Variants in TENM2 observed in about 807,000 individuals in gnomAD.
TENM2 encodes teneurin-2.
Under a neutral mutation model 245.2 loss-of-function variants are expected in TENM2, and 52 were observed. The observed-to-expected ratio is 0.21, with a 90% CI of 0.17 to 0.27. The LOEUF (loss-of-function observed/expected upper bound fraction) is 0.27, where lower values mean the gene tolerates loss of function less well. Among genes scored for constraint, TENM2 ranks in the 10% least tolerant of loss-of-function variants. TENM2 has a pLI of 1.00. For synonymous variants in TENM2, 1,363 were observed against 1,438.9 expected (o/e 0.95, Z 1.19); for missense variants, 3,046 against 3,666.8 (o/e 0.83, Z 4.37).
chr5:167,363,848 A>G (rs1449954720), intron 1 of TENM2, among the ~76,000 whole-genome samples: 11 of 152,090 alleles, frequency 7.2e-5, no homozygotes, highest in Admixed American at 7.2e-4. Flanking sequence ...TTAAAACATT[A>G]GAATTTATCA....
At chr5:167,293,976 C>CTGTGTG (rs55869331) in intron 1 of TENM2, among the ~76,000 whole-genome samples, 13,608 of 148,630 alleles carry the variant, frequency 0.092, 711 homozygotes, top group Non-Finnish European at 0.12. Context: ...GATGTGAGTT[C>CTGTGTG]TGTGTGTGTG....
intron 2 of TENM2, among the ~76,000 whole-genome samples, chr5:167,745,568 T>C (rs1761501670): frequency 6.6e-6 from 1 of 152,212 alleles, no homozygotes; most frequent in East Asian, 1.9e-4. Flanking sequence ...ATTTTTAGCT[T>C]TCCACAATTT....
chr5:168,124,869 C>T (rs1196672785), exon 11 of TENM2: 4 of 1,612,204 alleles, frequency 2.5e-6, no homozygotes, highest in Non-Finnish European at 3.4e-6. Flanking sequence ...TGGATCCCAC[C>T]TGCTCCAGCC....
intron 5 of TENM2, among the ~76,000 whole-genome samples, chr5:168,039,661 G>T (rs576678813): frequency 6.6e-6 from 1 of 152,168 alleles, no homozygotes; most frequent in Admixed American, 6.5e-5. Flanking sequence ...GAGCTGACTT[G>T]GTGGACAATA....
intron 4 of TENM2, among the ~76,000 whole-genome samples, chr5:167,957,663 G>A (rs1301777295): frequency 6.6e-6 from 1 of 152,110 alleles, no homozygotes; most frequent in African/African-American, 2.4e-5. Context: ...CAGAGATTCT[G>A]GTACATTGTG....
the TENM2 span, among the ~76,000 whole-genome samples, chr5:167,272,574 A>G: frequency 6.6e-6 from 1 of 152,162 alleles, no homozygotes; most frequent in Admixed American, 6.6e-5. Flanking sequence ...AAGAAATAAG[A>G]AAGTTTGATT....
chr5:168,220,264 A>C (rs1016316508), intron 23 of TENM2, among the ~76,000 whole-genome samples: 1 of 152,154 alleles, frequency 6.6e-6, no homozygotes, highest in Non-Finnish European at 1.5e-5. Context: ...GACCTAATGC[A>C]TTTCAGAAAC....
intron 5 of TENM2, among the ~76,000 whole-genome samples, chr5:168,043,889 A>C (rs1440819247): frequency 1.3e-5 from 2 of 152,204 alleles, no homozygotes; most frequent in African/African-American, 2.4e-5. Context: ...TTTTGAAACA[A>C]AGAAGAGGTT....
At chr5:168,132,368 G>T (rs1334959332) in intron 12 of TENM2, among the ~76,000 whole-genome samples, 1 of 152,168 alleles carries the variant, frequency 6.6e-6, no homozygotes, top group African/African-American at 2.4e-5. Context: ...TCATTCTGTA[G>T]TTTAGATGGA....
At chr5:167,793,077 G>A (rs1765093248) in intron 2 of TENM2, among the ~76,000 whole-genome samples, 1 of 152,188 alleles carries the variant, frequency 6.6e-6, no homozygotes, top group Admixed American at 6.6e-5. Flanking sequence ...GGGTGAAAGA[G>A]CCTGTCCTTG....
At chr5:168,050,219 A>G (rs1264710094) in intron 6 of TENM2, among the ~76,000 whole-genome samples, 1 of 152,206 alleles carries the variant, frequency 6.6e-6, no homozygotes, top group Non-Finnish European at 1.5e-5. Flanking sequence ...TGAAACTTAA[A>G]AAGAGATCAG....
chr5:167,476,314 T>G (rs1292571502), intron 2 of TENM2, among the ~76,000 whole-genome samples: 1 of 152,224 alleles, frequency 6.6e-6, no homozygotes, highest in Non-Finnish European at 1.5e-5. Context: ...GCAGTTTCAA[T>G]GGTCTTTTTC....
At chr5:167,824,455 A>G (rs1767795006) in intron 2 of TENM2, among the ~76,000 whole-genome samples, 5 of 152,150 alleles carry the variant, frequency 3.3e-5, no homozygotes, top group Admixed American at 3.3e-4. Flanking sequence ...AGGTCAGAAC[A>G]AGCTTCATAG....
the TENM2 span, among the ~76,000 whole-genome samples, chr5:167,162,409 C>G: frequency 6.6e-6 from 1 of 152,060 alleles, no homozygotes; most frequent in African/African-American, 2.4e-5. Flanking sequence ...GGGCAGATCA[C>G]TTGAGGTCAA....
Position 167,834,661 on chromosome 5 carries a change from T to TTTTTTTC in TENM2, c.503-41325_503-41324insTTTTTTC, listed in dbSNP as rs1554127838. ...ATTTCTTTTTTTTTTTTTTTTTTTT[T>TTTTTTTC]CTTTTTGAGACGGAGTCTCGCTCTG... On this transcript the variant is annotated intron_variant, in intron 2 of 28. Coordinates refer to ENST00000518659, the Ensembl canonical transcript of TENM2. Among the ~76,000 whole-genome samples, 7 of 124,802 alleles carry TTTTTTTC rather than the reference T, an allele frequency of 5.6e-5. 3 individuals carry two copies. The highest frequency in any genetic ancestry group is 7.1e-5 in the Non-Finnish European group (4 of 56,184). The allele number at this position is 124,802 out of a possible 152,430, so 81.9% of individuals were successfully genotyped here.
chr5:168,106,570 C>G (rs547083762), intron 9 of TENM2, among the ~76,000 whole-genome samples: 1 of 152,314 alleles, frequency 6.6e-6, no homozygotes, highest in South Asian at 2.1e-4. Flanking sequence ...GGATTCCAAC[C>G]AGGCAGTCTG....
At chr5:168,260,059 A>G (rs1175990079) in intron 27 of TENM2, among the ~76,000 whole-genome samples, 1 of 152,160 alleles carries the variant, frequency 6.6e-6, no homozygotes, top group Non-Finnish European at 1.5e-5. Context: ...GGTCTTCTTA[A>G]TCACCACATG....
chr5:167,936,045 C>T (rs1778681883), intron 3 of TENM2, among the ~76,000 whole-genome samples: 1 of 152,124 alleles, frequency 6.6e-6, no homozygotes, highest in Non-Finnish European at 1.5e-5. Flanking sequence ...ACCCCTTCTA[C>T]TATTGGAAAT....
chr5:167,754,238 G>C (rs74748461), intron 2 of TENM2, among the ~76,000 whole-genome samples: 1 of 152,000 alleles, frequency 6.6e-6, no homozygotes, highest in Admixed American at 6.6e-5. Context: ...CCCTTTGCAC[G>C]TTAGGAAACA....
Sources: gnomAD v4.1 joint callset for allele counts (sites outside exome capture counted in the v4.1 genomes callset) on GRCh38, gnomAD v4.1.1 for gene constraint, MANE v1.5 for transcripts, NCBI Gene and HGNC (gene_info 2026-07-23, HGNC 2026-07-21) for gene names.